Variants in RIMS2 observed in about 807,000 individuals in gnomAD.
RIMS2 encodes regulating synaptic membrane exocytosis protein 2.
RIMS2 carries 59 observed loss-of-function variants against 174.4 expected under a neutral mutation model. That is an observed-to-expected ratio of 0.34 (90% confidence interval 0.27 to 0.42). The LOEUF is 0.42. RIMS2 is among the 10% of genes least tolerant of loss of function. RIMS2 has a pLI of 1.00. For synonymous variants in RIMS2, 606 were observed against 572.5 expected, an observed-to-expected ratio of 1.06 and a Z score of -0.84; for missense variants, 1,620 against 1,666.3, an observed-to-expected ratio of 0.97 and a Z score of 0.48.
In RIMS2 at chr8:103,851,692, C is replaced by G. The variant is rs80243789; in HGVS notation, c.699-33606C>G. On this transcript the variant is annotated intron_variant, in intron 3 of 23. Transcript: ENST00000504942. The stretch of plus-strand genomic sequence containing the variant: ...ACACACACACACACACACACACACA[C>G]AGGCAACTCAAAAGTTTAAGATTCA... Among the ~76,000 whole-genome samples, 843 of 129,638 alleles carry G rather than the reference C, an allele frequency of 6.5e-3. 5 individuals are homozygous for G. Among genetic ancestry groups the G allele is most frequent in the Non-Finnish European group, 0.011 (654 of 59,928 alleles). The allele number at this position is 129,638 out of a possible 152,430, so 85.0% of individuals were successfully genotyped here.
intron 3 of RIMS2, among the ~76,000 whole-genome samples, chr8:103,873,947 C>A (rs925499602): frequency 6.6e-6 from 1 of 151,942 alleles, no homozygotes; most frequent in Non-Finnish European, 1.5e-5. Context: ...TAATAGAAAC[C>A]CCAAATGAGG....
chr8:104,020,187 T>G (rs1349594157), intron 19 of RIMS2, among the ~76,000 whole-genome samples: 1 of 152,018 alleles, frequency 6.6e-6, no homozygotes, highest in East Asian at 1.9e-4. Flanking sequence ...TGGATTTGTT[T>G]CCCTATTGTG....
At chr8:103,537,378 T>TGTTC (rs1563687735) in intron 1 of RIMS2, among the ~76,000 whole-genome samples, 2 of 152,218 alleles carry the variant, frequency 1.3e-5, no homozygotes, top group Non-Finnish European at 2.9e-5. Context: ...AAACTTAGAA[T>TGTTC]AGTTCAAAAT....
At chr8:103,931,302 G>A (rs1480737521) in exon 12 of RIMS2, 7 of 1,604,360 alleles carry the variant, frequency 4.4e-6, no homozygotes, top group Non-Finnish European at 5.1e-6. Context: ...CCAATTAATA[G>A]TTACAATTTT....
intron 2 of RIMS2, among the ~76,000 whole-genome samples, chr8:103,736,959 G>A (rs1289910402): frequency 6.6e-6 from 1 of 152,028 alleles, no homozygotes; most frequent in African/African-American, 2.4e-5. Context: ...GAAATTCCAA[G>A]AGTGAGAGAA....
chr8:103,718,553 C>T (rs2097402533), intron 2 of RIMS2, among the ~76,000 whole-genome samples: 1 of 152,128 alleles, frequency 6.6e-6, no homozygotes, highest in Non-Finnish European at 1.5e-5. Flanking sequence ...TTTGGGATTA[C>T]CTCCTTTATG....
chr8:103,771,330 C>G (rs991333136), intron 3 of RIMS2, among the ~76,000 whole-genome samples: 1 of 151,916 alleles, frequency 6.6e-6, no homozygotes, highest in Non-Finnish European at 1.5e-5. Flanking sequence ...TTAGTGAAAA[C>G]TAAAGTAAAA....
intron 19 of RIMS2, among the ~76,000 whole-genome samples, chr8:104,079,764 A>G (rs1405288529): frequency 6.6e-6 from 1 of 151,330 alleles, no homozygotes; most frequent in African/African-American, 2.4e-5. Context: ...TATGTCTTTT[A>G]TATTAAACTA....
At chr8:103,888,942 A>G (rs2099224854) in intron 4 of RIMS2, among the ~76,000 whole-genome samples, 1 of 151,614 alleles carries the variant, frequency 6.6e-6, no homozygotes, top group African/African-American at 2.4e-5. Flanking sequence ...TTGAATTTGG[A>G]AGAATAAACT....
intron 19 of RIMS2, among the ~76,000 whole-genome samples, chr8:104,084,156 T>A (rs1359950561): frequency 1.3e-5 from 2 of 151,970 alleles, no homozygotes; most frequent in Non-Finnish European, 2.9e-5. Flanking sequence ...AAAAACTAAC[T>A]GTGACCAGGC....
intron 1 of RIMS2, among the ~76,000 whole-genome samples, chr8:103,650,045 A>G (rs1217127547): frequency 6.6e-6 from 1 of 151,804 alleles, no homozygotes; most frequent in Non-Finnish European, 1.5e-5. Flanking sequence ...ATTCTTTCTT[A>G]GCTTTATGGG....
intron 6 of RIMS2, among the ~76,000 whole-genome samples, chr8:103,912,970 GTTT>G (rs1272975359): frequency 6.1e-5 from 7 of 114,876 alleles, no homozygotes; most frequent in Admixed American, 1.9e-4. Context: ...TTTTTTTGTT[GTTT>G]TTTTTTTTTT....
At chr8:103,793,360 G>T (rs1325555867) in intron 3 of RIMS2, among the ~76,000 whole-genome samples, 1 of 152,068 alleles carries the variant, frequency 6.6e-6, no homozygotes, top group Admixed American at 6.6e-5. Flanking sequence ...TGCAGAAAAG[G>T]CCTTCGAGAA....
intron 19 of RIMS2, among the ~76,000 whole-genome samples, chr8:104,198,945 A>C (rs2099039512): frequency 6.6e-6 from 1 of 152,268 alleles, no homozygotes; most frequent in African/African-American, 2.4e-5. Flanking sequence ...TGACCCAAAG[A>C]AGCACTTAAA....
intron 3 of RIMS2, among the ~76,000 whole-genome samples, chr8:103,839,483 C>T (rs2098926764): frequency 1.3e-5 from 2 of 151,956 alleles, no homozygotes; most frequent in Non-Finnish European, 1.5e-5. Context: ...GCCCTTACTT[C>T]TAGGATATGG....
At chr8:104,044,239 A>G (rs2096655845) in intron 19 of RIMS2, among the ~76,000 whole-genome samples, 1 of 151,678 alleles carries the variant, frequency 6.6e-6, no homozygotes, top group Non-Finnish European at 1.5e-5. Flanking sequence ...AGCAATGCAG[A>G]AAGAATTAGA....
intron 17 of RIMS2, among the ~76,000 whole-genome samples, chr8:104,008,977 G>A (rs1008336731): frequency 6.6e-6 from 1 of 151,848 alleles, no homozygotes; most frequent in Non-Finnish European, 1.5e-5. Context: ...TGATTTCTAT[G>A]GCAAATATTT....
At chr8:103,948,885 G>A (rs1332351315) in intron 14 of RIMS2, among the ~76,000 whole-genome samples, 1 of 151,826 alleles carries the variant, frequency 6.6e-6, no homozygotes, top group Non-Finnish European at 1.5e-5. Flanking sequence ...AGCCTCTTTG[G>A]GAGGCTGAGG....
intron 1 of RIMS2, among the ~76,000 whole-genome samples, chr8:103,656,969 G>A (rs1783006832): frequency 1.3e-5 from 2 of 152,246 alleles, no homozygotes; most frequent in African/African-American, 4.8e-5. Flanking sequence ...GCCTCCAGCT[G>A]GGGGAGGGGA....
Sources: gnomAD v4.1 joint callset for allele counts (sites outside exome capture counted in the v4.1 genomes callset) on GRCh38, gnomAD v4.1.1 for gene constraint, MANE v1.5 for transcripts, NCBI Gene and HGNC (gene_info 2026-07-23, HGNC 2026-07-21) for gene names.